The following CLVS1 variants were observed in gnomAD, a reference collection of about 807,000 sequenced individuals.
CLVS1 encodes the protein clavesin-1.
Under a neutral mutation model 33.1 loss-of-function variants are expected in CLVS1, and 10 were observed. That is an observed-to-expected ratio of 0.30 (90% CI 0.19 to 0.51). The LOEUF (loss-of-function observed/expected upper bound fraction) is 0.51, where lower values mean the gene tolerates loss of function less well. Ranked by LOEUF, CLVS1 falls within the 20% of genes least tolerant of loss-of-function variation. CLVS1 has a pLI of 0.97. For missense variants in CLVS1, 343 were observed against 433.4 expected (o/e 0.79, Z 1.85); for synonymous variants, 163 against 166.1 (o/e 0.98, Z 0.14).
chr8:61,149,551 C>CAA (rs1166606940), intron 2 of CLVS1, among the ~76,000 whole-genome samples: 1,273 of 51,766 alleles, frequency 0.025, 84 homozygotes, highest in African/African-American at 0.072. Context: ...GACTCTGTCT[C>CAA]AAAAAAAAAA....
intron 2 of CLVS1, among the ~76,000 whole-genome samples, chr8:61,186,888 T>C (rs1054844531): frequency 2.6e-5 from 4 of 152,086 alleles, no homozygotes. Flanking sequence ...CTGAGAAAAA[T>C]TGTAGCACCT....
Position 61,077,831 on chromosome 8 carries a change from G to A in CLVS1, c.-243+20601G>A, listed in dbSNP as rs183016294. On this transcript the variant is annotated intron_variant, in intron 1 of 2. Coordinates refer to the CLVS1 transcript ENST00000522621. Reference sequence around the variant, plus strand: ...CCATGAGTGGGCCCGAGGCCATGCCGGAGCCATCTGCGAGGATTTTGGTGG... The same window carrying A: ...CCATGAGTGGGCCCGAGGCCATGCCAGAGCCATCTGCGAGGATTTTGGTGG... Among the ~76,000 whole-genome samples, 328 of 152,302 alleles carry A rather than the reference G, an allele frequency of 2.2e-3. 6 individuals are homozygous for A. The East Asian group carries it at 0.03, about 14-fold the overall frequency.
intron 1 of CLVS1, among the ~76,000 whole-genome samples, chr8:61,070,032 A>G (rs1804763654): frequency 6.6e-6 from 1 of 152,032 alleles, no homozygotes. Context: ...ACTTCCTGTG[A>G]TCCACCCGCC....
At chr8:61,253,555 C>A (rs1308839602) in intron 2 of CLVS1, among the ~76,000 whole-genome samples, 1 of 152,344 alleles carries the variant, frequency 6.6e-6, no homozygotes, top group Non-Finnish European at 1.5e-5. Flanking sequence ...CTTTCAGGTA[C>A]ACCAATCAGA....
intron 2 of CLVS1, among the ~76,000 whole-genome samples, chr8:61,302,459 G>T (rs144866332): frequency 6.6e-6 from 1 of 152,126 alleles, no homozygotes; most frequent in Non-Finnish European, 1.5e-5. Flanking sequence ...TGAGGACAGC[G>T]ATGAGAACAT....
intron 2 of CLVS1, among the ~76,000 whole-genome samples, chr8:61,272,263 G>A (rs907327471): frequency 1.9e-4 from 29 of 152,092 alleles, no homozygotes; most frequent in African/African-American, 6.5e-4. Flanking sequence ...AGCTTAGTTT[G>A]GCTGCATATG....
chr8:61,183,597 A>G (rs965188605), intron 2 of CLVS1, among the ~76,000 whole-genome samples: 2 of 152,108 alleles, frequency 1.3e-5, no homozygotes, highest in Non-Finnish European at 2.9e-5. Flanking sequence ...GTCCTACCTG[A>G]TAGAGAAAGG....
Position 61,232,041 on chromosome 8 carries a change from T to TTTTTTG in CLVS1, c.-151-67631_-151-67630insGTTTTT, listed in dbSNP as rs1808454433. Among the ~76,000 whole-genome samples the TTTTTTG allele has an allele frequency of 3.6e-4, 42 of 116,004 alleles. 3 individuals are homozygous for TTTTTTG. The highest frequency in any genetic ancestry group is 2.0e-3 in the African/African-American group (41 of 20,954). The allele number at this position is 116,004 out of a possible 152,430, so 76.1% of individuals were successfully genotyped here. ...AGTTGTGGTTTTTTTTTTTTTTTTT[T>TTTTTTG]TTTTTTTTTGTGAGATGGAGTCTCG... is the stretch of plus-strand genomic sequence containing the variant. On this transcript the variant is annotated intron_variant, in intron 2 of 2. Transcript: ENST00000522621.
At chr8:61,213,682 G>A (rs1808020668) in intron 2 of CLVS1, among the ~76,000 whole-genome samples, 1 of 152,064 alleles carries the variant, frequency 6.6e-6, no homozygotes, top group African/African-American at 2.4e-5. Flanking sequence ...CAGCTGAGGA[G>A]GATGTATGTT....
chr8:61,376,667 C>T lies in CLVS1; in HGVS notation c.518C>T (p.Pro173Leu), dbSNP rs146292772. The change falls in exon 3 of 6, where the codon CCG becomes CTG. Residue 173 changes from proline (P) to leucine (L), a missense_variant. This residue lies in a region of CLVS1 where 166 missense variants were observed against 244.0 expected (regional missense o/e 0.68). Transcript: ENST00000325897. ...TCATTGGAAGTCCTAATCGAAGATC[C>T]GGAGCTTCAGATAAATGGCTTCATT... The part of the protein sequence containing the change: ...LLSLEVLIED[P>L]ELQINGFILI... The T allele has an allele frequency of 1.2e-5, 19 of 1,614,068 alleles. No homozygotes were observed. Among genetic ancestry groups the T allele is most frequent in the Admixed American group, 1.7e-5 (1 of 60,022 alleles).
chr8:61,145,407 G>A (rs1466727946), intron 2 of CLVS1, among the ~76,000 whole-genome samples: 1 of 152,200 alleles, frequency 6.6e-6, no homozygotes, highest in African/African-American at 2.4e-5. Flanking sequence ...GAGTGTGATT[G>A]GTTTTCTGAA....
chr8:61,479,525 T>G (rs1238150998), intron 5 of CLVS1, among the ~76,000 whole-genome samples: 1 of 152,186 alleles, frequency 6.6e-6, no homozygotes, highest in Non-Finnish European at 1.5e-5. Flanking sequence ...TGCCATTGGT[T>G]CTAACTTCCT....
At chr8:61,177,708 G>A (rs1354977285) in intron 2 of CLVS1, among the ~76,000 whole-genome samples, 1 of 151,846 alleles carries the variant, frequency 6.6e-6, no homozygotes, top group Non-Finnish European at 1.5e-5. Flanking sequence ...AATAGGGACA[G>A]AAGGGAACCC....
chr8:61,043,452 G>T, the CLVS1 span, among the ~76,000 whole-genome samples: 4 of 152,218 alleles, frequency 2.6e-5, no homozygotes, highest in African/African-American at 9.6e-5. Flanking sequence ...GATCATAGCA[G>T]ATGACAATGA....
intron 2 of CLVS1, among the ~76,000 whole-genome samples, chr8:61,333,680 G>C (rs1811682835): frequency 6.6e-6 from 1 of 151,962 alleles, no homozygotes; most frequent in Non-Finnish European, 1.5e-5. Context: ...AAACTCTCAA[G>C]GATTAGGCAA....
At chr8:61,321,932 C>T (rs191150975) in intron 2 of CLVS1, among the ~76,000 whole-genome samples, 37 of 152,198 alleles carry the variant, frequency 2.4e-4, no homozygotes, top group Non-Finnish European at 4.3e-4. Flanking sequence ...ACTCCAGATT[C>T]CCCTGATGCT....
chr8:61,256,285 C>T (rs747692258), intron 2 of CLVS1, among the ~76,000 whole-genome samples: 12 of 152,282 alleles, frequency 7.9e-5, no homozygotes, highest in East Asian at 5.8e-4. Context: ...GAGGCCGAAG[C>T]GGGCAGATCA....
At chr8:61,234,867 TA>T (rs112548523) in intron 2 of CLVS1, among the ~76,000 whole-genome samples, 1 of 151,886 alleles carries the variant, frequency 6.6e-6, no homozygotes, top group African/African-American at 2.4e-5. Context: ...GTTAGGTCTT[TA>T]AAAAAAATAG....
At chr8:61,106,294 A>C (rs191344854) in intron 1 of CLVS1, among the ~76,000 whole-genome samples, 212 of 152,374 alleles carry the variant, frequency 1.4e-3, no homozygotes, top group African/African-American at 4.9e-3. Context: ...AACAACACAC[A>C]AGCACACACC....
Sources: allele counts gnomAD v4.1 joint callset (sites outside exome capture counted in the v4.1 genomes callset), GRCh38; gene constraint gnomAD v4.1.1; regional missense constraint gnomAD v4.1.1; transcripts MANE v1.5; gene names NCBI Gene and HGNC (gene_info 2026-07-23, HGNC 2026-07-21).